JARID2: variants seen among roughly 807,000 people sequenced by gnomAD.
The protein encoded by JARID2 is protein Jumonji.
In JARID2, 21 loss-of-function variants were observed where a neutral mutation model predicts 125.6. That is an observed-to-expected ratio of 0.17 (90% confidence interval 0.12 to 0.24). The LOEUF is 0.24. Among genes scored for constraint, JARID2 ranks in the 10% least tolerant of loss-of-function variants. JARID2 has a pLI of 1.00. For missense variants in JARID2, 1,303 were observed against 1,639.6 expected, an observed-to-expected ratio of 0.79 and a Z score of 3.55; for synonymous variants, 736 against 661.6, an observed-to-expected ratio of 1.11 and a Z score of -1.73.
At chr6:15,393,726 A>G (rs1765112136) in intron 2 of JARID2, among the ~76,000 whole-genome samples, 1 of 152,232 alleles carries the variant, frequency 6.6e-6, no homozygotes, top group African/African-American at 2.4e-5. Flanking sequence ...AACAGTGATT[A>G]CTGGTATATT....
chr6:15,420,554 C>T (rs140440020), intron 3 of JARID2, among the ~76,000 whole-genome samples: 3 of 152,138 alleles, frequency 2.0e-5, no homozygotes, highest in African/African-American at 4.8e-5. Context: ...ATTTACAAAA[C>T]AGTTTTGATT....
chr6:15,442,302 T>C (rs1396496335), intron 3 of JARID2, among the ~76,000 whole-genome samples: 1 of 152,160 alleles, frequency 6.6e-6, no homozygotes, highest in Non-Finnish European at 1.5e-5. Flanking sequence ...CATCGAGAGA[T>C]AGTAGAAAGG....
chr6:15,434,613 T>C (rs1305750736), intron 3 of JARID2, among the ~76,000 whole-genome samples: 1 of 152,236 alleles, frequency 6.6e-6, no homozygotes, highest in African/African-American at 2.4e-5. Context: ...ATTATGTGAA[T>C]TCCATGGAGT....
intron 1 of JARID2, among the ~76,000 whole-genome samples, chr6:15,363,389 C>T (rs1763866856): frequency 6.6e-6 from 1 of 152,190 alleles, no homozygotes; most frequent in Non-Finnish European, 1.5e-5. Context: ...GATGTCTGCT[C>T]AAGTTTGCCA....
At chr6:15,420,083 A>G (rs560509382) in intron 3 of JARID2, among the ~76,000 whole-genome samples, 2 of 152,288 alleles carry the variant, frequency 1.3e-5, no homozygotes, top group South Asian at 2.1e-4. Flanking sequence ...TGGTAAGACT[A>G]TTGAATATAT....
chr6:15,376,042 C>T (rs1188193563), intron 2 of JARID2, among the ~76,000 whole-genome samples: 2 of 152,066 alleles, frequency 1.3e-5, no homozygotes, highest in African/African-American at 2.4e-5. Context: ...AGCCAGTTGG[C>T]CAAATGTAGG....
intron 1 of JARID2, among the ~76,000 whole-genome samples, chr6:15,340,600 T>C (rs1396464074): frequency 1.3e-5 from 2 of 152,226 alleles, no homozygotes; most frequent in Non-Finnish European, 1.5e-5. Context: ...TATGAAACAA[T>C]ATATTGGGGC....
At chr6:15,432,418 T>C (rs1767004777) in intron 3 of JARID2, among the ~76,000 whole-genome samples, 1 of 151,234 alleles carries the variant, frequency 6.6e-6, no homozygotes. Flanking sequence ...GACTTGGGAC[T>C]CTGTCATCCT....
At chr6:15,252,795 C>G (rs888862520) in intron 1 of JARID2, among the ~76,000 whole-genome samples, 10 of 151,992 alleles carry the variant, frequency 6.6e-5, no homozygotes, top group African/African-American at 2.4e-4. Context: ...CTCTTTATAT[C>G]CTGTGACTCC....
chr6:15,304,145 C>G (rs1761726475), intron 1 of JARID2, among the ~76,000 whole-genome samples: 1 of 152,082 alleles, frequency 6.6e-6, no homozygotes, highest in African/African-American at 2.4e-5. Flanking sequence ...TGGCTACTCC[C>G]GCTAATAACC....
intron 12 of JARID2, 92 bp downstream of exon 12, chr6:15,508,546 G>T: frequency 1.3e-6 from 1 of 748,120 alleles, no homozygotes; most frequent in Non-Finnish European, 2.4e-6. Context: ...TGTCCAGGTG[G>T]TTCCACGTGC....
At chr6:15,417,368 A>G (rs1483160982) in intron 3 of JARID2, among the ~76,000 whole-genome samples, 4 of 152,236 alleles carry the variant, frequency 2.6e-5, no homozygotes, top group Admixed American at 1.3e-4. Context: ...TAGTTCTCTC[A>G]TCTGAAAGAT....
chr6:15,510,889 C>T (rs1771245825), intron 12 of JARID2, among the ~76,000 whole-genome samples: 1 of 152,228 alleles, frequency 6.6e-6, no homozygotes, highest in Non-Finnish European at 1.5e-5. Flanking sequence ...GGTGCTGCTC[C>T]TGCAGTGGCC....
In JARID2 at chr6:15,442,272, A is replaced by T. The variant is rs556030397; in HGVS notation, c.324-9734A>T. Among the ~76,000 whole-genome samples, 34 of 152,280 alleles carry T rather than the reference A, an allele frequency of 2.2e-4. No homozygotes were observed. The East Asian group carries it at 6.6e-3, about 29-fold the overall frequency. ...AGGGTTTTTGTTGAAATGATATTTTAAAAACTAAATAGGGAATCCCATCGA... is the reference window on the plus strand; with the variant it reads ...AGGGTTTTTGTTGAAATGATATTTTTAAAACTAAATAGGGAATCCCATCGA... On this transcript the variant is annotated intron_variant, in intron 3 of 17. Coordinates refer to ENST00000341776, the MANE Select transcript of JARID2 (RefSeq NM_004973.4).
chr6:15,324,600 C>T (rs1762472833), intron 1 of JARID2: 1 of 151,644 alleles, frequency 6.6e-6, no homozygotes, highest in South Asian at 2.1e-4. Flanking sequence ...TCTTGGCCTC[C>T]CAAGTAGCTG....
chr6:15,434,912 G>C (rs996349193), intron 3 of JARID2, among the ~76,000 whole-genome samples: 2 of 152,146 alleles, frequency 1.3e-5, no homozygotes, highest in Non-Finnish European at 2.9e-5. Flanking sequence ...AAAATGGTTT[G>C]TTACTGCCAA....
intron 1 of JARID2, among the ~76,000 whole-genome samples, chr6:15,253,429 A>G (rs1398197621): frequency 1.3e-5 from 2 of 151,736 alleles, no homozygotes; most frequent in Non-Finnish European, 2.9e-5. Context: ...CTGACCTGTC[A>G]TTTTGCTCTT....
At chr6:15,305,496 A>G (rs1015955825) in intron 1 of JARID2, among the ~76,000 whole-genome samples, 1 of 152,196 alleles carries the variant, frequency 6.6e-6, no homozygotes, top group Non-Finnish European at 1.5e-5. Context: ...AACATAGCTT[A>G]GCTTAGAGTT....
chr6:15,393,515 C>G (rs759457773), intron 2 of JARID2, among the ~76,000 whole-genome samples: 11 of 152,184 alleles, frequency 7.2e-5, no homozygotes, highest in South Asian at 2.1e-4. Context: ...TTAAAATTGC[C>G]TTTCACCATA....
Sources: allele counts gnomAD v4.1 joint callset (sites outside exome capture counted in the v4.1 genomes callset), GRCh38; gene constraint gnomAD v4.1.1; transcripts MANE v1.5; gene names NCBI Gene and HGNC (gene_info 2026-07-23, HGNC 2026-07-21).